The following CSMD1 variants were observed in gnomAD, a reference collection of about 807,000 sequenced individuals.
The protein encoded by CSMD1 is CUB and sushi domain-containing protein 1.
A neutral mutation model predicts 417.5 loss-of-function variants in CSMD1; 213 were observed. The observed-to-expected ratio is 0.51, with a 90% CI of 0.46 to 0.57. CSMD1 has a LOEUF of 0.57. Ranked by LOEUF, CSMD1 falls within the 20% of genes least tolerant of loss-of-function variation. CSMD1 has a pLI of 0.00. For synonymous variants in CSMD1, 2,862 were observed against 1,736.8 expected (o/e 1.65, Z -16.11); for missense variants, 6,923 against 4,529.7 (o/e 1.53, Z -15.17).
At chr8:4,730,656 G>A (rs1178349324) in intron 1 of CSMD1, among the ~76,000 whole-genome samples, 2 of 152,086 alleles carry the variant, frequency 1.3e-5, no homozygotes, top group Non-Finnish European at 2.9e-5. Context: ...CAGGAGAATG[G>A]TGTGAACCCG....
intron 1 of CSMD1, among the ~76,000 whole-genome samples, chr8:4,869,102 A>G (rs1195862255): frequency 1.3e-5 from 2 of 152,022 alleles, no homozygotes; most frequent in Non-Finnish European, 2.9e-5. Context: ...TTCTCATTGT[A>G]TTATTTTTAA....
At chr8:4,768,893 G>A (rs1011531292) in intron 1 of CSMD1, among the ~76,000 whole-genome samples, 15 of 152,162 alleles carry the variant, frequency 9.9e-5, no homozygotes, top group Non-Finnish European at 1.5e-4. Context: ...TTTCCTAGCC[G>A]AGTCTTCCAG....
intron 1 of CSMD1, among the ~76,000 whole-genome samples, chr8:4,731,206 C>T (rs1005179241): frequency 2.0e-5 from 3 of 152,128 alleles, no homozygotes; most frequent in East Asian, 1.9e-4. Context: ...TGTTTGGAAG[C>T]GAGAATCAGT....
intron 3 of CSMD1, among the ~76,000 whole-genome samples, chr8:4,384,541 A>C (rs1803321378): frequency 6.6e-6 from 1 of 152,236 alleles, no homozygotes; most frequent in Non-Finnish European, 1.5e-5. Context: ...TACTTTATGA[A>C]GTCCTACCCC....
chr8:3,675,774 T>C (rs552489540), intron 7 of CSMD1, among the ~76,000 whole-genome samples: 3 of 152,084 alleles, frequency 2.0e-5, no homozygotes, highest in Non-Finnish European at 2.9e-5. Flanking sequence ...TATATGTCTG[T>C]TGTTTAAGCT....
At chr8:3,018,687 T>C (rs1342237321) in intron 51 of CSMD1, 37 bp from the exon 52 acceptor site, 2 of 1,567,546 alleles carry the variant, frequency 1.3e-6, no homozygotes, top group African/African-American at 1.4e-5. Context: ...ATCAATTCAG[T>C]TATGCAGATT....
chr8:4,264,832 G>A (rs1804139350), intron 3 of CSMD1, among the ~76,000 whole-genome samples: 1 of 152,104 alleles, frequency 6.6e-6, no homozygotes, highest in African/African-American at 2.4e-5. Flanking sequence ...AATAAACTAA[G>A]GATAATTTCA....
At chr8:4,185,526 G>A (rs1798617038) in intron 3 of CSMD1, among the ~76,000 whole-genome samples, 1 of 151,962 alleles carries the variant, frequency 6.6e-6, no homozygotes, top group South Asian at 2.1e-4. Context: ...ATACAAGTGG[G>A]CATAAAGAGA....
At chr8:3,080,720 G>A (rs961212756) in intron 49 of CSMD1, among the ~76,000 whole-genome samples, 2 of 152,030 alleles carry the variant, frequency 1.3e-5, no homozygotes, top group Non-Finnish European at 2.9e-5. Context: ...AATATCTGAC[G>A]GCTTATCCTA....
intron 15 of CSMD1, among the ~76,000 whole-genome samples, chr8:3,405,374 T>C (rs896402890): frequency 6.6e-6 from 1 of 152,214 alleles, no homozygotes; most frequent in African/African-American, 2.4e-5. Context: ...TTTTCCTCTC[T>C]ATATTTATTA....
rs184101361 is a variant in CSMD1 at position 3,325,748 on chromosome 8, C to T, written c.3632-17245G>A. Reference sequence around the variant, plus strand: ...CTGAGGCAAGGGAATTGCTTGAACCCGGGAGGCAGAGGTTGCAGTGAGCCG... The same window carrying T: ...CTGAGGCAAGGGAATTGCTTGAACCTGGGAGGCAGAGGTTGCAGTGAGCCG... On this transcript the variant is annotated intron_variant, in intron 23 of 69. Transcript: ENST00000635120. Among the ~76,000 whole-genome samples, 735 of 152,200 alleles carry T rather than the reference C, an allele frequency of 4.8e-3. 4 individuals are homozygous for T. The highest frequency in any genetic ancestry group is 0.016 in the African/African-American group (648 of 41,538).
At chr8:3,266,039 G>A (rs765381784) in intron 26 of CSMD1, among the ~76,000 whole-genome samples, 11 of 151,822 alleles carry the variant, frequency 7.2e-5, no homozygotes, top group Admixed American at 7.2e-4. Context: ...GACATGAGCT[G>A]GAAATAGAGA....
At chr8:3,648,236 T>G (rs1797673654) in intron 7 of CSMD1, among the ~76,000 whole-genome samples, 1 of 152,382 alleles carries the variant, frequency 6.6e-6, no homozygotes, top group African/African-American at 2.4e-5. Flanking sequence ...ATTTTACTTT[T>G]ACTTTGCTAT....
At chr8:3,224,745 T>A (rs1469719139) in intron 27 of CSMD1, among the ~76,000 whole-genome samples, 1 of 152,236 alleles carries the variant, frequency 6.6e-6, no homozygotes, top group African/African-American at 2.4e-5. Context: ...TAGCTCAATG[T>A]GGTTAATAGG....
chr8:4,760,420 G>A (rs1369343955), intron 1 of CSMD1, among the ~76,000 whole-genome samples: 2 of 152,196 alleles, frequency 1.3e-5, no homozygotes, highest in South Asian at 4.1e-4. Context: ...TGATACCTTT[G>A]TGGCTAGAAG....
At chr8:4,372,003 G>C (rs1029542525) in intron 3 of CSMD1, among the ~76,000 whole-genome samples, 14 of 152,172 alleles carry the variant, frequency 9.2e-5, no homozygotes, top group Non-Finnish European at 1.9e-4. Flanking sequence ...AGACATAAGA[G>C]TTCAAAGGTT....
intron 1 of CSMD1, among the ~76,000 whole-genome samples, chr8:4,814,338 C>T (rs1301166848): frequency 6.6e-6 from 1 of 152,140 alleles, no homozygotes; most frequent in Non-Finnish European, 1.5e-5. Flanking sequence ...CTCTGCCTCA[C>T]AGGTTCAAGC....
chr8:3,516,946 G>A (rs989698835), intron 10 of CSMD1, among the ~76,000 whole-genome samples: 2 of 152,210 alleles, frequency 1.3e-5, no homozygotes, highest in Non-Finnish European at 2.9e-5. Context: ...ATCAACGAGT[G>A]GATAAAGAGG....
rs1341319199 is a variant in CSMD1, at chr8:4,031,965, T to C, written c.550A>G (p.Thr184Ala). 1.9e-6 allele frequency: 3 copies of C among 1,613,894 alleles called. No individual in the cohort carries two copies. The highest frequency in any genetic ancestry group is 2.5e-6 in the Non-Finnish European group (3 of 1,179,858). The change falls in exon 4 of 70, where the codon ACC (threonine) becomes GCC (alanine). Residue 184 changes from threonine (T) to alanine (A), a missense_variant. Transcript: ENST00000635120. ...CCATTTCCTGGGCTGACGATGCAGG[T>C]CAGGATGGCGTGGCCTTCCAAGATG... The part of the protein sequence containing the change: ...GYILEGHAIL[T>A]CIVSPGNGAS...
Sources: allele counts gnomAD v4.1 joint callset (sites outside exome capture counted in the v4.1 genomes callset), GRCh38; gene constraint gnomAD v4.1.1; transcripts MANE v1.5; gene names NCBI Gene and HGNC (gene_info 2026-07-23, HGNC 2026-07-21).